Variants in COL8A1 observed in about 807,000 individuals in gnomAD.
COL8A1 encodes the protein collagen type VIII alpha 1 chain.
In COL8A1, 21 loss-of-function variants were observed where a neutral mutation model predicts 42.7. That is an observed-to-expected ratio of 0.49 (90% CI 0.35 to 0.71). The LOEUF (loss-of-function observed/expected upper bound fraction) is 0.71, where lower values mean the gene tolerates loss of function less well. COL8A1 is among the 30% of genes least tolerant of loss of function. The pLI, the probability that COL8A1 is intolerant of heterozygous loss-of-function variation, is 0.01. For missense variants in COL8A1, 788 were observed against 962.4 expected (o/e 0.82, Z 2.40); for synonymous variants, 367 against 369.1 (o/e 0.99, Z 0.06).
At chr3:99,676,901 T>C (rs1938713812) in intron 1 of COL8A1, among the ~76,000 whole-genome samples, 1 of 152,022 alleles carries the variant, frequency 6.6e-6, no homozygotes, top group Non-Finnish European at 1.5e-5. Context: ...TTTTGAAAGA[T>C]ACCATTTACA....
intron 1 of COL8A1, among the ~76,000 whole-genome samples, chr3:99,684,414 G>A (rs1000230530): frequency 6.6e-6 from 1 of 152,172 alleles, no homozygotes; most frequent in Admixed American, 6.5e-5. Context: ...CTCTCTGCCT[G>A]CCTTCCTAAA....
At chr3:99,644,344 C>G (rs1937602741) in intron 1 of COL8A1, among the ~76,000 whole-genome samples, 1 of 152,040 alleles carries the variant, frequency 6.6e-6, no homozygotes, top group African/African-American at 2.4e-5. Context: ...TGACTCTGAC[C>G]CAGGATAATA....
intron 1 of COL8A1, among the ~76,000 whole-genome samples, chr3:99,697,291 T>C (rs1939408309): frequency 6.6e-6 from 1 of 152,162 alleles, no homozygotes; most frequent in Admixed American, 6.5e-5. Context: ...CGGCACAAAA[T>C]TTAAAATAAC....
intron 1 of COL8A1, among the ~76,000 whole-genome samples, chr3:99,706,046 T>G (rs1272405610): frequency 6.6e-6 from 1 of 152,166 alleles, no homozygotes; most frequent in African/African-American, 2.4e-5. Context: ...TACAGTGAAC[T>G]GAGTGACAGG....
chr3:99,718,515 AG>A (rs1258220232), intron 1 of COL8A1, among the ~76,000 whole-genome samples: 1 of 152,060 alleles, frequency 6.6e-6, no homozygotes, highest in African/African-American at 2.4e-5. Context: ...AGGGCAGGGA[AG>A]GACAGAAGAT....
chr3:99,759,898 A>G (rs963328124), intron 2 of COL8A1, among the ~76,000 whole-genome samples: 1 of 152,200 alleles, frequency 6.6e-6, no homozygotes, highest in Non-Finnish European at 1.5e-5. Context: ...CCGTGTGATC[A>G]TGGTTCTTTG....
At chr3:99,701,607 G>T (rs1481337752) in intron 1 of COL8A1, among the ~76,000 whole-genome samples, 1 of 152,104 alleles carries the variant, frequency 6.6e-6, no homozygotes, top group Non-Finnish European at 1.5e-5. Flanking sequence ...TCCTAATTTT[G>T]TCCTCTTGAA....
At chr3:99,747,475 C>T (rs912231324) in intron 2 of COL8A1, among the ~76,000 whole-genome samples, 3 of 152,174 alleles carry the variant, frequency 2.0e-5, no homozygotes, top group African/African-American at 7.2e-5. Context: ...CCAAAAATAT[C>T]CACGGAAAAC....
chr3:99,771,120 T>C (rs1941572924), intron 2 of COL8A1, among the ~76,000 whole-genome samples: 2 of 152,150 alleles, frequency 1.3e-5, no homozygotes, highest in South Asian at 4.1e-4. Flanking sequence ...GTGTGGCCGA[T>C]GCTTATTCAA....
chr3:99,761,182 G>C (rs1431360730), intron 2 of COL8A1, among the ~76,000 whole-genome samples: 1 of 152,114 alleles, frequency 6.6e-6, no homozygotes, highest in East Asian at 1.9e-4. Context: ...AATAAAAAAA[G>C]AAACACTATA....
intron 1 of COL8A1, among the ~76,000 whole-genome samples, chr3:99,721,883 G>GTT (rs1288383320): frequency 6.8e-6 from 1 of 146,040 alleles, no homozygotes; most frequent in Non-Finnish European, 1.5e-5. Context: ...GCAGCACTGG[G>GTT]TTTTTTTTTT....
intron 1 of COL8A1, chr3:99,677,922 A>T (rs572037805): frequency 6.6e-6 from 1 of 152,220 alleles, no homozygotes. Flanking sequence ...CAGGTTGCCA[A>T]TGGTTTGTGA....
intron 1 of COL8A1, among the ~76,000 whole-genome samples, chr3:99,687,203 C>T (rs1354978063): frequency 1.3e-5 from 2 of 152,190 alleles, no homozygotes; most frequent in East Asian, 3.9e-4. Context: ...GGCAGACCAA[C>T]CAATGGTTTC....
intron 2 of COL8A1, among the ~76,000 whole-genome samples, chr3:99,764,778 G>T (rs1470723416): frequency 5.3e-5 from 7 of 132,762 alleles, no homozygotes; most frequent in African/African-American, 1.7e-4. Context: ...TGGTTCATCT[G>T]CAACCTCTGC....
rs1940625357 is a variant in COL8A1, at chr3:99,734,263, TA to T, written c.-128-10633del. 1.4e-5 allele frequency among the ~76,000 whole-genome samples: 2 copies of T among 139,926 alleles called. 1 individual carries two copies. The highest frequency in any genetic ancestry group is 5.8e-5 in the African/African-American group (2 of 34,634). The allele number at this position is 139,926 out of a possible 152,430, so 91.8% of individuals were successfully genotyped here. A position where few individuals can be genotyped will look rare whatever the true frequency, so the allele number is the denominator to read the frequency against. ...GAATAGTATTGCCTAGGTTTTCTTC[TA>T]GGGTTTTTAGGGTTTTAGGTCTAAC... On this transcript the variant is annotated intron_variant, in intron 1 of 3. Transcript: ENST00000652472.
chr3:99,790,201 G>T (rs1256044775), intron 2 of COL8A1, among the ~76,000 whole-genome samples: 1 of 152,158 alleles, frequency 6.6e-6, no homozygotes, highest in Non-Finnish European at 1.5e-5. Flanking sequence ...CAAGATGTGT[G>T]GTCTGTTTCC....
At position 99,794,705 on chromosome 3, in the gene COL8A1, G is replaced by A. The variant is rs760510662; in HGVS notation, c.804G>A (p.Leu268=). 1.2e-6 allele frequency: 2 copies of A among 1,612,190 alleles called. No homozygotes were observed. The highest frequency in any genetic ancestry group is 1.3e-5 in the African/African-American group (1 of 74,754). ...ACGGCCCTCCCGGCCCTGTTGGACT[G>A]CCAGGAGTGGGCAAACCAGGAGTGA... ...GMHGPPGPVG[L]PGVGKPGVTG... is the part of the protein sequence containing the mutation. Residue 268 remains leucine, a synonymous_variant, in exon 4 of 4, where the codon CTG becomes CTA. Coordinates refer to ENST00000652472, the MANE Select transcript of COL8A1 (RefSeq NM_020351.4). This position sits in a 1 kb window ranked among gnomAD's most constrained non-coding sequence, Gnocchi z 4.3.
At chr3:99,759,110 T>TTTTA (rs1941316050) in intron 2 of COL8A1, among the ~76,000 whole-genome samples, 1 of 151,598 alleles carries the variant, frequency 6.6e-6, no homozygotes, top group African/African-American at 2.4e-5. Flanking sequence ...CTGTTCCTTT[T>TTTTA]TTTTTTTTTT....
At position 99,795,185 on chromosome 3, in the gene COL8A1, G is replaced by A; in HGVS notation, c.1284G>A (p.Lys428=). The A allele has an allele frequency of 6.2e-7, 1 of 1,613,762 alleles. No individual in the cohort carries two copies. The highest frequency in any genetic ancestry group is 8.5e-7 in the Non-Finnish European group (1 of 1,179,834). The part of the protein sequence containing the change: ...IVGPQGPPGP[K]GEPGLQGFPG... ...GGCCACAGGGGCCACCAGGTCCCAA[G>A]GGTGAGCCAGGGCTTCAAGGCTTCC... Residue 428 remains lysine (K), a synonymous_variant, in exon 4 of 4, where the codon AAG becomes AAA. Transcript: ENST00000652472.
Sources: gnomAD v4.1 joint callset for allele counts (sites outside exome capture counted in the v4.1 genomes callset) on GRCh38, gnomAD v4.1.1 for gene constraint, Gnocchi (gnomAD v3.1) non-coding constraint, MANE v1.5 for transcripts, NCBI Gene and HGNC (gene_info 2026-07-23, HGNC 2026-07-21) for gene names.